Variants in ADK observed in about 807,000 individuals in gnomAD.
ADK encodes the protein adenosine kinase, also known as N6,N6-dimethyladenosine kinase.
ADK carries 24 observed loss-of-function variants against 44.7 expected under a neutral mutation model. The observed-to-expected ratio is 0.54, with a 90% CI of 0.39 to 0.76. The LOEUF is 0.76. Ranked by LOEUF, ADK falls within the 30% of genes least tolerant of loss-of-function variation. The pLI is 0.00. For synonymous variants in ADK, 128 were observed against 142.6 expected (o/e 0.90, Z 0.73); for missense variants, 321 against 425.1 (o/e 0.76, Z 2.15).
At chr10:74,625,510 C>T (rs1263678270) in intron 9 of ADK, among the ~76,000 whole-genome samples, 1 of 152,056 alleles carries the variant, frequency 6.6e-6, no homozygotes, top group Non-Finnish European at 1.5e-5. Flanking sequence ...GATCAGTTTA[C>T]CGTAATTCCA....
chr10:74,489,061 C>T (rs1437457130), intron 6 of ADK, among the ~76,000 whole-genome samples: 1 of 151,846 alleles, frequency 6.6e-6, no homozygotes, highest in Admixed American at 6.6e-5. Context: ...AAAAATTATA[C>T]CTACTTATTA....
intron 10 of ADK, among the ~76,000 whole-genome samples, chr10:74,699,599 C>T (rs188627623): frequency 1.8e-3 from 278 of 152,274 alleles, no homozygotes; most frequent in African/African-American, 5.8e-3. Context: ...ATCACTTGAA[C>T]GCTGGAGGCG....
intron 6 of ADK, among the ~76,000 whole-genome samples, chr10:74,505,400 T>C (rs1848029087): frequency 6.6e-6 from 1 of 152,186 alleles, no homozygotes; most frequent in African/African-American, 2.4e-5. Context: ...CATCTGGCAC[T>C]GATTTGGAAG....
intron 4 of ADK, among the ~76,000 whole-genome samples, chr10:74,327,640 T>G (rs1841066138): frequency 6.6e-6 from 1 of 152,090 alleles, no homozygotes; most frequent in African/African-American, 2.4e-5. Flanking sequence ...TATTACATAC[T>G]CAGCTTAGTA....
chr10:74,258,885 G>A (rs572741014), intron 3 of ADK, among the ~76,000 whole-genome samples: 2 of 150,560 alleles, frequency 1.3e-5, no homozygotes, highest in South Asian at 4.2e-4. Context: ...ATTGTTTAAC[G>A]TATACATAAT....
intron 9 of ADK, among the ~76,000 whole-genome samples, chr10:74,663,432 A>G (rs1589347969): frequency 6.6e-6 from 1 of 151,962 alleles, no homozygotes; most frequent in African/African-American, 2.4e-5. Flanking sequence ...TATTTATTAA[A>G]TAAAATAGCT....
chr10:74,205,675 C>CAAA (rs11419041), intron 2 of ADK, among the ~76,000 whole-genome samples: 106 of 84,942 alleles, frequency 1.2e-3, no homozygotes, highest in Middle Eastern at 8.8e-3. Context: ...GAATCTGTCT[C>CAAA]AAAAAAAAAA....
In ADK at chr10:74,708,337, G is replaced by A. The variant is rs1434534514; in HGVS notation, c.981G>A (p.Leu327=). 6.2e-7 allele frequency: 1 copy of A among 1,610,778 alleles called. No individual in the cohort carries two copies. The highest frequency in any genetic ancestry group is 8.5e-7 in the Non-Finnish European group (1 of 1,179,014). ...DAFVGGFLSQ[L]VSDKPLTECI... ...GTGTTCTAGGTTTTCTGTCTCAACTGGTCTCTGACAAGCCTCTGACTGAAT... is the reference window on the plus strand; with the variant it reads ...GTGTTCTAGGTTTTCTGTCTCAACTAGTCTCTGACAAGCCTCTGACTGAAT... The change falls in exon 11 of 11, where the codon CTG becomes CTA. Residue 327 remains leucine, a synonymous_variant. Transcript: ENST00000539909.
chr10:74,639,823 G>T (rs1464614027), intron 9 of ADK, among the ~76,000 whole-genome samples: 2 of 151,836 alleles, frequency 1.3e-5, no homozygotes, highest in African/African-American at 2.4e-5. Context: ...GTGACAGAGC[G>T]AGCAAGAGCA....
At chr10:74,525,759 G>A (rs571457574) in intron 7 of ADK, among the ~76,000 whole-genome samples, 2 of 152,058 alleles carry the variant, frequency 1.3e-5, no homozygotes, top group Admixed American at 6.5e-5. Context: ...GGTTCAAGCA[G>A]TTCTCCTGCC....
chr10:74,282,325 C>T (rs932816692), intron 3 of ADK, among the ~76,000 whole-genome samples: 3 of 152,126 alleles, frequency 2.0e-5, no homozygotes, highest in Non-Finnish European at 4.4e-5. Context: ...TAAATTAATA[C>T]CTCATGAGCG....
chr10:74,193,976 C>T (rs1412424311), intron 1 of ADK, among the ~76,000 whole-genome samples: 2 of 151,980 alleles, frequency 1.3e-5, no homozygotes, highest in East Asian at 3.9e-4. Context: ...CATCAAAGGA[C>T]TTTTAGAACT....
At chr10:74,636,145 A>G (rs533470978) in intron 9 of ADK, among the ~76,000 whole-genome samples, 2 of 152,252 alleles carry the variant, frequency 1.3e-5, no homozygotes, top group South Asian at 2.1e-4. Context: ...TTTAATTACA[A>G]TCTAACAAAA....
At chr10:74,426,126 C>G (rs971863165) in intron 6 of ADK, among the ~76,000 whole-genome samples, 1 of 151,994 alleles carries the variant, frequency 6.6e-6, no homozygotes, top group African/African-American at 2.4e-5. Context: ...ATATAATTTG[C>G]ATTATATCTA....
intron 1 of ADK, among the ~76,000 whole-genome samples, chr10:74,160,674 C>T (rs1047005398): frequency 6.7e-6 from 1 of 148,344 alleles, no homozygotes; most frequent in Non-Finnish European, 1.5e-5. Flanking sequence ...GGGGTGTGTG[C>T]GTGCATGCAG....
At chr10:74,373,103 A>C (rs1436253276) in intron 4 of ADK, among the ~76,000 whole-genome samples, 3 of 151,704 alleles carry the variant, frequency 2.0e-5, no homozygotes, top group Admixed American at 1.3e-4. Flanking sequence ...GGGTACTAGA[A>C]CACCTGCCCA....
intron 1 of ADK, among the ~76,000 whole-genome samples, chr10:74,151,880 C>T (rs1279782941): frequency 6.6e-6 from 1 of 152,330 alleles, no homozygotes; most frequent in Non-Finnish European, 1.5e-5. Context: ...TTTGCAGGGG[C>T]AGCATTTGGA....
chr10:74,656,368 A>G (rs926285952), intron 9 of ADK, among the ~76,000 whole-genome samples: 4 of 151,986 alleles, frequency 2.6e-5, no homozygotes, highest in African/African-American at 9.7e-5. Context: ...TGTCCATGCT[A>G]TTTGTTTTTG....
At chr10:74,566,827 A>C (rs1589254229) in intron 7 of ADK, among the ~76,000 whole-genome samples, 1 of 152,346 alleles carries the variant, frequency 6.6e-6, no homozygotes, top group East Asian at 1.9e-4. Context: ...ACCTTTTAAA[A>C]AGATACTTTA....
Sources: allele counts gnomAD v4.1 joint callset (sites outside exome capture counted in the v4.1 genomes callset), GRCh38; gene constraint gnomAD v4.1.1; transcripts MANE v1.5; gene names NCBI Gene and HGNC (gene_info 2026-07-23, HGNC 2026-07-21).